VAV3: variants seen among roughly 807,000 people sequenced by gnomAD.
VAV3 encodes the protein guanine nucleotide exchange factor VAV3.
Under a neutral mutation model 131.2 loss-of-function variants are expected in VAV3, and 94 were observed. The ratio of observed to expected loss-of-function variants is 0.72; its 90% CI spans 0.61 to 0.85. The LOEUF is 0.85. VAV3 is among the 40% of genes least tolerant of loss of function. The probability of loss-of-function intolerance (pLI) is 0.00; values close to 1 mark genes in which losing one functional copy is unlikely to be tolerated. For missense variants in VAV3, 939 were observed against 1,002.7 expected (o/e 0.94, Z 0.86); for synonymous variants, 349 against 342.0 (o/e 1.02, Z -0.22).
intron 1 of VAV3, among the ~76,000 whole-genome samples, chr1:107,912,612 TTC>T (rs1393301036): frequency 1.3e-5 from 2 of 152,212 alleles, no homozygotes; most frequent in African/African-American, 4.8e-5. Flanking sequence ...ACTCTCTCCC[TTC>T]TCTGATCTCT....
chr1:107,585,478 A>G (rs1384282192), intron 25 of VAV3, among the ~76,000 whole-genome samples: 1 of 152,130 alleles, frequency 6.6e-6, no homozygotes, highest in Non-Finnish European at 1.5e-5. Context: ...GGTAAAAGCT[A>G]AAGTCCTTTA....
intron 20 of VAV3, among the ~76,000 whole-genome samples, chr1:107,641,280 G>C (rs559878345): frequency 6.6e-6 from 1 of 152,276 alleles, no homozygotes; most frequent in South Asian, 2.1e-4. Flanking sequence ...TAAAATAGCT[G>C]TCCCTTCTGC....
intron 1 of VAV3, among the ~76,000 whole-genome samples, chr1:107,905,387 T>C (rs990408750): frequency 7.2e-5 from 11 of 152,220 alleles, no homozygotes; most frequent in Non-Finnish European, 1.5e-5. Flanking sequence ...TTGTTCTTTC[T>C]AGCTATGTGT....
At chr1:107,861,955 C>A (rs1381674749) in intron 2 of VAV3, among the ~76,000 whole-genome samples, 1 of 151,604 alleles carries the variant, frequency 6.6e-6, no homozygotes, top group Non-Finnish European at 1.5e-5. Context: ...AAAAACCATT[C>A]ATTTTTCTAA....
chr1:107,583,523 C>G (rs889321716), intron 25 of VAV3, among the ~76,000 whole-genome samples: 76 of 151,990 alleles, frequency 5.0e-4, no homozygotes, highest in Admixed American at 9.8e-4. Flanking sequence ...CTGTCTCAGC[C>G]CAAAATCTCC....
intron 15 of VAV3, among the ~76,000 whole-genome samples, chr1:107,741,353 T>C (rs566720717): frequency 6.6e-6 from 1 of 152,274 alleles, no homozygotes; most frequent in South Asian, 2.1e-4. Flanking sequence ...AATCCCAGGA[T>C]GGGTGTGGGA....
chr1:107,908,590 T>C (rs1672213344), intron 1 of VAV3, among the ~76,000 whole-genome samples: 1 of 152,138 alleles, frequency 6.6e-6, no homozygotes, highest in Admixed American at 6.5e-5. Flanking sequence ...AGAGGAGGTT[T>C]TGAGATTTTT....
chr1:107,768,044 A>G (rs1664830224), intron 7 of VAV3, among the ~76,000 whole-genome samples: 1 of 152,152 alleles, frequency 6.6e-6, no homozygotes, highest in Non-Finnish European at 1.5e-5. Context: ...GAATGGAGGA[A>G]AGTAGGGGAA....
intron 2 of VAV3, among the ~76,000 whole-genome samples, chr1:107,812,123 AG>A (rs1433192949): frequency 6.6e-6 from 1 of 152,224 alleles, no homozygotes; most frequent in African/African-American, 2.4e-5. Context: ...CATTAACAAA[AG>A]TTTAAAGGGA....
chr1:107,736,446 T>C (rs1362719094), intron 15 of VAV3, among the ~76,000 whole-genome samples: 3 of 152,210 alleles, frequency 2.0e-5, no homozygotes, highest in Non-Finnish European at 4.4e-5. Flanking sequence ...CACGATTGTA[T>C]ATTTAGAAAA....
chr1:107,926,274 T>C (rs1362582665), intron 1 of VAV3, among the ~76,000 whole-genome samples: 1 of 151,788 alleles, frequency 6.6e-6, no homozygotes, highest in Non-Finnish European at 1.5e-5. Flanking sequence ...GAACGAGACT[T>C]GGGTCTCAAA....
In VAV3 at chr1:107,965,093, C is replaced by G. The variant is rs1293798037; in HGVS notation, c.-224G>C. 1.3e-5 allele frequency: 2 copies of G among 156,518 alleles called. No homozygotes were observed. Among genetic ancestry groups the G allele is most frequent in the Admixed American group, 6.7e-5 (1 of 14,910 alleles). The allele number at this position is 156,518 out of a possible 1,614,324, so 9.7% of individuals were successfully genotyped here. The stretch of plus-strand genomic sequence containing the variant: ...CGCCGCGACCCGGCCGCCGCTGCAG[C>G]GAGTCCCGCGCGCTCTCCGTGCGCC... On this transcript the variant is annotated 5_prime_UTR_variant, in exon 1 of 27. Transcript: ENST00000370056.
chr1:107,598,513 A>C (rs1367012253), intron 24 of VAV3, among the ~76,000 whole-genome samples: 6 of 152,194 alleles, frequency 3.9e-5, no homozygotes, highest in Admixed American at 3.9e-4. Flanking sequence ...ATAACTTGAA[A>C]AATATGTATT....
intron 19 of VAV3, among the ~76,000 whole-genome samples, chr1:107,660,957 C>G: frequency 6.6e-6 from 1 of 151,984 alleles, no homozygotes; most frequent in East Asian, 1.9e-4. Context: ...GGGAAAAAAT[C>G]AAGTTACAAG....
At chr1:107,750,538 G>T (rs1663650893) in intron 13 of VAV3, among the ~76,000 whole-genome samples, 1 of 152,116 alleles carries the variant, frequency 6.6e-6, no homozygotes, top group South Asian at 2.1e-4. Context: ...TGGAGCCAGG[G>T]TTATCGAGGA....
intron 1 of VAV3, among the ~76,000 whole-genome samples, chr1:107,878,503 A>G (rs1335190293): frequency 2.0e-5 from 3 of 152,196 alleles, no homozygotes; most frequent in Non-Finnish European, 2.9e-5. Context: ...GTCTTACAAA[A>G]TGTCCTAAAT....
At chr1:107,738,810 A>G (rs1215316557) in intron 15 of VAV3, among the ~76,000 whole-genome samples, 3 of 152,210 alleles carry the variant, frequency 2.0e-5, no homozygotes, top group Non-Finnish European at 4.4e-5. Context: ...GGAGGAAACC[A>G]TATACCAAGT....
At chr1:107,680,870 C>A (rs1346743080) in intron 19 of VAV3, among the ~76,000 whole-genome samples, 1 of 152,138 alleles carries the variant, frequency 6.6e-6, no homozygotes, top group East Asian at 1.9e-4. Context: ...CAAGCCCAGG[C>A]AACATGGCTC....
chr1:107,810,608 G>A (rs1201680586), intron 2 of VAV3, among the ~76,000 whole-genome samples: 2 of 152,092 alleles, frequency 1.3e-5, no homozygotes, highest in African/African-American at 4.8e-5. Context: ...ACTAAAATCT[G>A]TCTCTTATGA....
Sources: allele counts gnomAD v4.1 joint callset (sites outside exome capture counted in the v4.1 genomes callset), GRCh38; gene constraint gnomAD v4.1.1; transcripts MANE v1.5; gene names NCBI Gene and HGNC (gene_info 2026-07-23, HGNC 2026-07-21).